ASRGL1: variants seen among roughly 807,000 people sequenced by gnomAD.
ASRGL1 encodes asparaginase and isoaspartyl peptidase 1, also known as isoaspartyl peptidase/L-asparaginase.
ASRGL1 carries 16 observed loss-of-function variants against 22.4 expected under a neutral mutation model. The observed-to-expected ratio is 0.71, with a 90% CI of 0.48 to 1.08. ASRGL1 has a LOEUF of 1.08. ASRGL1 is among the 50% of genes least tolerant of loss of function. ASRGL1 has a pLI of 0.00. For missense variants in ASRGL1, 412 were observed against 410.1 expected (o/e 1.00, Z -0.04); for synonymous variants, 165 against 159.3 (o/e 1.04, Z -0.27).
Position 62,339,099 on chromosome 11 carries a change from A to G in ASRGL1, c.190+932A>G, listed in dbSNP as rs537701185. On this transcript the variant is annotated intron_variant, in intron 2 of 6. Transcript: ENST00000415229. The stretch of plus-strand genomic sequence containing the variant: ...AGTTGATTCTCTCCTGAATCAGGAA[A>G]AAGGCCTAGAAAAGGAAGGGGATTC... Among the ~76,000 whole-genome samples the G allele has an allele frequency of 1.1e-4, 17 of 152,330 alleles. No individual in the cohort carries two copies. In the East Asian group the frequency reaches 2.9e-3, roughly 26 times the overall value.
chr11:62,338,314 C>G, intron 2 of ASRGL1, 147 bp downstream of exon 2: 1 of 948,688 alleles, frequency 1.1e-6, no homozygotes, highest in Non-Finnish European at 1.5e-6. Flanking sequence ...AATTTTTCTA[C>G]CTGTGCTGAA....
intron 2 of ASRGL1, among the ~76,000 whole-genome samples, chr11:62,348,297 G>GT (rs1219051863): frequency 6.6e-6 from 1 of 152,176 alleles, no homozygotes; most frequent in African/African-American, 2.4e-5. Context: ...GGGAGATGGA[G>GT]TTAGTACTCA....
At chr11:62,340,331 C>T (rs776988534) in intron 2 of ASRGL1, among the ~76,000 whole-genome samples, 1 of 152,138 alleles carries the variant, frequency 6.6e-6, no homozygotes, top group Non-Finnish European at 1.5e-5. Flanking sequence ...TTTCATGGCT[C>T]CATTTGTAGA....
chr11:62,377,826 A>T (rs1257160098), intron 4 of ASRGL1, among the ~76,000 whole-genome samples: 1 of 152,204 alleles, frequency 6.6e-6, no homozygotes, highest in Non-Finnish European at 1.5e-5. Flanking sequence ...ACAATGTAAA[A>T]GTCTTAATTG....
At chr11:62,360,027 T>G (rs1946395712) in intron 4 of ASRGL1, among the ~76,000 whole-genome samples, 1 of 151,410 alleles carries the variant, frequency 6.6e-6, no homozygotes, top group Admixed American at 6.6e-5. Flanking sequence ...TTCTTTTTTT[T>G]TTTTTTGGTT....
chr11:62,375,005 C>T (rs1946875478), intron 4 of ASRGL1, among the ~76,000 whole-genome samples: 1 of 151,810 alleles, frequency 6.6e-6, no homozygotes, highest in East Asian at 1.9e-4. Context: ...GGACGCAGCA[C>T]CTGAGGTCCC....
intron 2 of ASRGL1, among the ~76,000 whole-genome samples, chr11:62,341,039 A>G (rs1945850282): frequency 6.6e-6 from 1 of 152,192 alleles, no homozygotes; most frequent in Non-Finnish European, 1.5e-5. Flanking sequence ...CTGAACTTTT[A>G]AATTTGAATG....
intron 5 of ASRGL1, chr11:62,389,480 T>G (rs1947291429): frequency 1.7e-6 from 1 of 580,524 alleles, no homozygotes; most frequent in African/African-American, 1.8e-5. Context: ...GCATGCCTTT[T>G]TGGAACAACT....
Position 62,362,813 on chromosome 11 carries a change from TACACACAC to T in ASRGL1, c.491+5693_491+5700del, listed in dbSNP as rs57501048. ...GGAGTATCTACTTGCTTATCTGACATACACACACACACACACACACACACACACACATC... is the reference window on the plus strand; with the variant it reads ...GGAGTATCTACTTGCTTATCTGACATACACACACACACACACACACACATC... On this transcript the variant is annotated intron_variant, in intron 4 of 6. Coordinates refer to ENST00000415229, the MANE Select transcript of ASRGL1 (RefSeq NM_001083926.2). Among the ~76,000 whole-genome samples, 21 of 83,874 alleles carry T rather than the reference TACACACAC, an allele frequency of 2.5e-4. 1 individual carries two copies. Among genetic ancestry groups the T allele is most frequent in the African/African-American group, 5.8e-4 (13 of 22,282 alleles). The allele number at this position is 83,874 out of a possible 152,430, so 55.0% of individuals were successfully genotyped here. A position where few individuals can be genotyped will look rare whatever the true frequency, so the allele number is the denominator to read the frequency against.
At chr11:62,361,102 A>G (rs1456781049) in intron 4 of ASRGL1, among the ~76,000 whole-genome samples, 1 of 152,220 alleles carries the variant, frequency 6.6e-6, no homozygotes, top group East Asian at 1.9e-4. Flanking sequence ...GAGAATTCCA[A>G]CAGATTATGA....
Position 62,392,578 on chromosome 11 carries a change from AAAAAAAAG to A in ASRGL1, c.*299_*306del. 2.4e-6 allele frequency: 1 copy of A among 415,084 alleles called. No homozygotes were observed. The highest frequency in any genetic ancestry group is 2.7e-5 in the South Asian group (1 of 37,716). The allele number at this position is 415,084 out of a possible 1,614,324, so 25.7% of individuals were successfully genotyped here. A position where few individuals can be genotyped will look rare whatever the true frequency, so the allele number is the denominator to read the frequency against. On this transcript the variant is annotated 3_prime_UTR_variant, in exon 7 of 7. Coordinates refer to ENST00000415229, the MANE Select transcript of ASRGL1 (RefSeq NM_001083926.2). ...AGCCAGGCCCTGTATCAAAAAAAAA[AAAAAAAAG>A]AAAAGGGAAAAAAGAAAGAAAGCAG...
intron 5 of ASRGL1, among the ~76,000 whole-genome samples, chr11:62,390,911 G>T (rs1947321370): frequency 1.3e-5 from 2 of 152,204 alleles, no homozygotes; most frequent in Non-Finnish European, 2.9e-5. Context: ...ACAGATACAA[G>T]AATGACTCAG....
At chr11:62,387,041 C>T (rs1002624402) in intron 4 of ASRGL1, among the ~76,000 whole-genome samples, 5 of 149,474 alleles carry the variant, frequency 3.3e-5, no homozygotes, top group African/African-American at 1.2e-4. Flanking sequence ...TACAGACACA[C>T]GCCACCACAC....
intron 2 of ASRGL1, among the ~76,000 whole-genome samples, chr11:62,343,405 C>G (rs1945920585): frequency 1.4e-5 from 2 of 146,282 alleles, no homozygotes; most frequent in Admixed American, 6.9e-5. Context: ...AAGGAACTGC[C>G]AAACTTTAAC....
chr11:62,378,895 A>G (rs1275869173), intron 4 of ASRGL1, among the ~76,000 whole-genome samples: 1 of 152,064 alleles, frequency 6.6e-6, no homozygotes, highest in East Asian at 1.9e-4. Flanking sequence ...TAAAAAGGAT[A>G]CCCTATTCCT....
chr11:62,373,178 C>T (rs1946821229), intron 4 of ASRGL1: 1 of 1,108,308 alleles, frequency 9.0e-7, no homozygotes, highest in African/African-American at 1.5e-5. Context: ...CCCTCTGATG[C>T]TCCCAGAGAC....
intron 4 of ASRGL1, among the ~76,000 whole-genome samples, chr11:62,360,019 C>CTTTTTTTTTTTTTTTTTTT (rs112728071): frequency 7.6e-6 from 1 of 132,240 alleles, no homozygotes; most frequent in Non-Finnish European, 1.6e-5. Flanking sequence ...TTTTGCTTTT[C>CTTTTTTTTTTTTTTTTTTT]TTTTTTTTTT....
chr11:62,391,770 G>C (rs922644732), intron 6 of ASRGL1, 138 bp downstream of exon 6: 16 of 1,123,262 alleles, frequency 1.4e-5, no homozygotes, highest in Non-Finnish European at 1.9e-5. Flanking sequence ...TTAACACCTT[G>C]TTTTGACTCT....
chr11:62,354,675 G>A (rs1007090156), intron 2 of ASRGL1, among the ~76,000 whole-genome samples: 1 of 152,058 alleles, frequency 6.6e-6, no homozygotes, highest in Admixed American at 6.6e-5. Flanking sequence ...GAGGAATCAC[G>A]TCCCTCTGAA....
Sources: gnomAD v4.1 joint callset for allele counts (sites outside exome capture counted in the v4.1 genomes callset) on GRCh38, gnomAD v4.1.1 for gene constraint, MANE v1.5 for transcripts, NCBI Gene and HGNC (gene_info 2026-07-23, HGNC 2026-07-21) for gene names.